Variants in MDGA2 observed in about 807,000 individuals in gnomAD.
MDGA2 encodes the protein MAM domain-containing glycosylphosphatidylinositol anchor protein 2.
In MDGA2, 40 loss-of-function variants were observed where a neutral mutation model predicts 117.8. The observed-to-expected ratio is 0.34, with a 90% CI of 0.26 to 0.44. The LOEUF (loss-of-function observed/expected upper bound fraction) is 0.44, where lower values mean the gene tolerates loss of function less well. Among genes scored for constraint, MDGA2 ranks in the 20% least tolerant of loss-of-function variants. MDGA2 has a pLI of 1.00. For missense variants in MDGA2, 1,123 were observed against 1,250.6 expected (o/e 0.90, Z 1.54); for synonymous variants, 452 against 439.0 (o/e 1.03, Z -0.37).
At chr14:47,223,503 A>G (rs1416418692) in intron 2 of MDGA2, among the ~76,000 whole-genome samples, 1 of 152,170 alleles carries the variant, frequency 6.6e-6, no homozygotes, top group Non-Finnish European at 1.5e-5. Context: ...AGAAGGTTCT[A>G]GAAGCTGCCT....
intron 1 of MDGA2, among the ~76,000 whole-genome samples, chr14:47,443,063 G>T (rs1305506619): frequency 1.3e-5 from 2 of 152,110 alleles, no homozygotes; most frequent in Non-Finnish European, 2.9e-5. Context: ...TAGCAATTAA[G>T]ATATGCCATA....
intron 1 of MDGA2, among the ~76,000 whole-genome samples, chr14:47,583,534 T>C (rs912533625): frequency 2.0e-5 from 3 of 151,932 alleles, no homozygotes; most frequent in Non-Finnish European, 4.4e-5. Context: ...CTCTCAACCT[T>C]GAAAAATTGA....
chr14:47,183,360 C>T (rs1241479008), intron 3 of MDGA2, among the ~76,000 whole-genome samples: 1 of 152,084 alleles, frequency 6.6e-6, no homozygotes, highest in African/African-American at 2.4e-5. Flanking sequence ...GGTTTCATTC[C>T]ACCTGCCCCT....
intron 3 of MDGA2, among the ~76,000 whole-genome samples, chr14:47,192,188 C>T (rs1885139032): frequency 1.3e-5 from 2 of 152,242 alleles, no homozygotes; most frequent in South Asian, 4.1e-4. Flanking sequence ...GAAACAATTG[C>T]TTTTCTAATT....
chr14:47,654,021 T>G (rs540374004), intron 1 of MDGA2, among the ~76,000 whole-genome samples: 5 of 152,266 alleles, frequency 3.3e-5, no homozygotes, highest in South Asian at 4.1e-4. Flanking sequence ...ACCACTAAGT[T>G]TGTGGTAATT....
chr14:47,053,642 T>TAC (rs1889547940), intron 7 of MDGA2, among the ~76,000 whole-genome samples: 2 of 42,370 alleles, frequency 4.7e-5, no homozygotes, highest in Non-Finnish European at 1.0e-4. Context: ...TATATATATA[T>TAC]ATATATATAT....
At position 47,609,430 on chromosome 14, in the gene MDGA2, T is replaced by TATATATATATATAC. The variant is rs1304798211; in HGVS notation, c.280+65086_280+65087insGTATATATATATAT. 4.0e-4 allele frequency among the ~76,000 whole-genome samples: 23 copies of TATATATATATATAC among 57,958 alleles called. 2 individuals carry two copies. Among genetic ancestry groups the TATATATATATATAC allele is most frequent in the African/African-American group, 9.3e-4 (13 of 14,020 alleles). 38.0% of individuals were successfully genotyped at this position (57,958 alleles called of 152,430 possible). A position where few individuals can be genotyped will look rare whatever the true frequency, so the allele number is the denominator to read the frequency against. On this transcript the variant is annotated intron_variant, in intron 1 of 16. Transcript: ENST00000399232. Reference sequence around the variant, plus strand: ...TCTATGGCTGAGTAGTATTCCATCATATATATATATATATATATATATATA... The same window carrying TATATATATATATAC: ...TCTATGGCTGAGTAGTATTCCATCATATATATATATATACATATATATATATATATATATATATA...
chr14:47,013,772 GTA>G lies in MDGA2; in HGVS notation c.1819+21237_1819+21238del, dbSNP rs71448157. ...TAGGTATGAAAACATTAATTTCCTT[GTA>G]TATATATATATATATATATCTCCTT... On this transcript the variant is annotated intron_variant, in intron 8 of 16. Coordinates refer to ENST00000399232, the MANE Select transcript of MDGA2 (RefSeq NM_001113498.3). Among the ~76,000 whole-genome samples, 28 of 93,688 alleles carry G rather than the reference GTA, an allele frequency of 3.0e-4. 2 individuals are homozygous for G. The highest frequency in any genetic ancestry group is 2.3e-3 in the South Asian group (6 of 2,564). 61.5% of individuals were successfully genotyped at this position (93,688 alleles called of 152,430 possible). A position where few individuals can be genotyped will look rare whatever the true frequency, so the allele number is the denominator to read the frequency against.
intron 1 of MDGA2, among the ~76,000 whole-genome samples, chr14:47,641,906 G>C (rs542532370): frequency 6.6e-6 from 1 of 152,080 alleles, no homozygotes; most frequent in Admixed American, 6.6e-5. Flanking sequence ...GAATGGAGAA[G>C]AGGAGAGCAG....
At chr14:47,533,874 G>A (rs980094528) in intron 1 of MDGA2, among the ~76,000 whole-genome samples, 1 of 152,108 alleles carries the variant, frequency 6.6e-6, no homozygotes, top group African/African-American at 2.4e-5. Flanking sequence ...TTATTATATT[G>A]TTATTTGATT....
At chr14:47,588,955 A>G (rs1318190636) in intron 1 of MDGA2, among the ~76,000 whole-genome samples, 1 of 151,882 alleles carries the variant, frequency 6.6e-6, no homozygotes, top group Non-Finnish European at 1.5e-5. Context: ...TTGGCCCTGC[A>G]TCATTCCACC....
intron 1 of MDGA2, among the ~76,000 whole-genome samples, chr14:47,537,573 TTAAAAAAAAAAAAAAAAAA>T (rs1277015367): frequency 0.015 from 835 of 57,096 alleles, 33 homozygotes; most frequent in African/African-American, 0.045. Flanking sequence ...CTTCTCTCTG[TTAAAAAAAAAAAAAAAAAA>T]AAAAAAAAAA....
chr14:46,887,129 A>G (rs1882706585), intron 10 of MDGA2, among the ~76,000 whole-genome samples: 1 of 152,058 alleles, frequency 6.6e-6, no homozygotes, highest in African/African-American at 2.4e-5. Flanking sequence ...ATATCTCTAC[A>G]TTGATAACTT....
At chr14:47,195,831 T>C (rs2139422339) in intron 3 of MDGA2, among the ~76,000 whole-genome samples, 1 of 152,160 alleles carries the variant, frequency 6.6e-6, no homozygotes, top group Non-Finnish European at 1.5e-5. Flanking sequence ...CTGAAAACCA[T>C]GCCTAATAAA....
chr14:47,585,461 T>C (rs754775680), intron 1 of MDGA2, among the ~76,000 whole-genome samples: 1 of 151,894 alleles, frequency 6.6e-6, no homozygotes, highest in Non-Finnish European at 1.5e-5. Context: ...GTAATAACAA[T>C]ACACATTTCG....
intron 1 of MDGA2, among the ~76,000 whole-genome samples, chr14:47,303,754 T>A (rs914364456): frequency 7.7e-5 from 1 of 13,046 alleles, no homozygotes; most frequent in Non-Finnish European, 1.8e-4. Flanking sequence ...GTGATAGTGA[T>A]AGCCCACGTT....
At chr14:46,854,619 C>G (rs1031480818) in intron 15 of MDGA2, among the ~76,000 whole-genome samples, 1 of 151,574 alleles carries the variant, frequency 6.6e-6, no homozygotes, top group Non-Finnish European at 1.5e-5. Flanking sequence ...TCAGAAGGAA[C>G]TTTTTGTTGT....
intron 3 of MDGA2, among the ~76,000 whole-genome samples, chr14:47,150,488 T>A (rs901524235): frequency 5.9e-5 from 9 of 152,168 alleles, no homozygotes; most frequent in African/African-American, 2.2e-4. Flanking sequence ...CAGAACCTGA[T>A]TCCATTGTCC....
chr14:46,927,012 G>A (rs12893532), intron 9 of MDGA2, among the ~76,000 whole-genome samples: 82,040 of 151,892 alleles, frequency 0.54, 22,603 homozygotes, highest in South Asian at 0.59. Flanking sequence ...ATGGTCACTA[G>A]CGTCTCTAAC....
Sources: gnomAD v4.1 joint callset for allele counts (sites outside exome capture counted in the v4.1 genomes callset) on GRCh38, gnomAD v4.1.1 for gene constraint, MANE v1.5 for transcripts, NCBI Gene and HGNC (gene_info 2026-07-23, HGNC 2026-07-21) for gene names.